Variants in TTC13 observed in about 807,000 individuals in gnomAD.
The protein encoded by TTC13 is tetratricopeptide repeat domain 13, also known as tetratricopeptide repeat protein 13.
In TTC13, 62 loss-of-function variants were observed where a neutral mutation model predicts 120.0. The ratio of observed to expected loss-of-function variants is 0.52; its 90% CI spans 0.42 to 0.64. The LOEUF (loss-of-function observed/expected upper bound fraction) is 0.64, where lower values mean the gene tolerates loss of function less well. Ranked by LOEUF, TTC13 falls within the 30% of genes least tolerant of loss-of-function variation. TTC13 has a pLI of 0.00. For synonymous variants in TTC13, 384 were observed against 393.5 expected, an observed-to-expected ratio of 0.98 and a Z score of 0.28; for missense variants, 824 against 1,050.2, an observed-to-expected ratio of 0.78 and a Z score of 2.98.
rs566611872 is a variant in TTC13, at chr1:230,978,006, A to G, written c.271+554T>C. Among the ~76,000 whole-genome samples, 1 of 152,354 alleles carries G rather than the reference A, an allele frequency of 6.6e-6. No homozygotes were observed. The highest frequency in any genetic ancestry group is 2.1e-4 in the South Asian group (1 of 4,828). On this transcript the variant is annotated intron_variant, in intron 1 of 22. Transcript: ENST00000366661. The surrounding 1 kb of genome is among the most constrained non-coding windows in gnomAD (Gnocchi z 5.6). ...AACTGGAAGCAAGATGTCAACGAGC[A>G]GATAAGATGGGCTTGCTCTTTTTTT...
At chr1:230,916,360 T>C in intron 17 of TTC13, 58 bp from the exon 18 acceptor site, 1 of 1,240,254 alleles carries the variant, frequency 8.1e-7, no homozygotes, top group Non-Finnish European at 1.2e-6. Context: ...AAACCCCAAC[T>C]GCAACTCTGT....
At chr1:230,968,332 T>TG (rs1553299220) in intron 1 of TTC13, among the ~76,000 whole-genome samples, 1 of 145,442 alleles carries the variant, frequency 6.9e-6, no homozygotes, top group African/African-American at 2.5e-5. Flanking sequence ...ATTCTTTTTT[T>TG]AAAAAAACAA....
rs559113081 is a variant in TTC13, at chr1:230,930,455, C to CT, written c.1300+842dup. ...TCACAATAACAAAAAAGAATGTAGG[C>CT]TTTAATTAAAAAAACTGTCTTCAGA... is the stretch of plus-strand genomic sequence containing the variant. On this transcript the variant is annotated intron_variant, in intron 11 of 22. Transcript: ENST00000366661. Among the ~76,000 whole-genome samples, 14 of 152,086 alleles carry CT rather than the reference C, an allele frequency of 9.2e-5. No individual in the cohort carries two copies. In the South Asian group the frequency reaches 2.9e-3, roughly 32 times the overall value.
At chr1:230,933,948 TC>T (rs1170450887) in intron 8 of TTC13, 87 bp from the exon 9 acceptor site, 4 of 750,262 alleles carry the variant, frequency 5.3e-6, no homozygotes, top group Admixed American at 3.1e-5. Context: ...TAAATATATA[TC>T]CTAGTCTCTG....
intron 4 of TTC13, among the ~76,000 whole-genome samples, chr1:230,949,063 C>T (rs1047550782): frequency 5.3e-5 from 8 of 152,074 alleles, no homozygotes; most frequent in African/African-American, 1.7e-4. Flanking sequence ...ATTATTTACT[C>T]AGGGCCTACT....
At chr1:230,922,700 G>T (rs1672689500) in intron 15 of TTC13, among the ~76,000 whole-genome samples, 1 of 152,216 alleles carries the variant, frequency 6.6e-6, no homozygotes, top group East Asian at 1.9e-4. Flanking sequence ...TTTCCAAATA[G>T]CCCTGTAGCA....
chr1:230,936,261 C>A (rs1292911877), intron 8 of TTC13: 5 of 456,048 alleles, frequency 1.1e-5, no homozygotes, highest in African/African-American at 1.0e-4. Flanking sequence ...CTCTCTACCT[C>A]ATTCTGCCAA....
chr1:230,948,400 C>CAAAAAAAAA (rs57051929), intron 4 of TTC13, among the ~76,000 whole-genome samples: 3 of 96,616 alleles, frequency 3.1e-5, no homozygotes, highest in Non-Finnish European at 6.1e-5. Flanking sequence ...ACTCACAATA[C>CAAAAAAAAA]AAAAAAAAAA....
intron 1 of TTC13, among the ~76,000 whole-genome samples, 168 bp from the exon 2 acceptor site, chr1:230,961,471 C>A (rs1158850903): frequency 6.6e-6 from 1 of 152,208 alleles, no homozygotes; most frequent in Non-Finnish European, 1.5e-5. Flanking sequence ...GTAATCCCAG[C>A]AACTCAGGAG....
At chr1:230,938,886 T>G (rs1674311474) in intron 8 of TTC13, among the ~76,000 whole-genome samples, 1 of 152,126 alleles carries the variant, frequency 6.6e-6, no homozygotes, top group African/African-American at 2.4e-5. Flanking sequence ...CAGCTTCATC[T>G]CCCTTAAACC....
At chr1:230,918,562 C>T (rs1672264343) in intron 17 of TTC13, among the ~76,000 whole-genome samples, 1 of 152,090 alleles carries the variant, frequency 6.6e-6, no homozygotes, top group South Asian at 2.1e-4. Context: ...ATAAAGGAGT[C>T]AGTAAAGGGG....
intron 4 of TTC13, among the ~76,000 whole-genome samples, chr1:230,946,885 A>G (rs1445457623): frequency 3.3e-5 from 5 of 152,188 alleles, no homozygotes. Context: ...GGGGAACAGT[A>G]CATGTTATAG....
At chr1:230,968,062 C>T (rs756210282) in intron 1 of TTC13, among the ~76,000 whole-genome samples, 18 of 152,178 alleles carry the variant, frequency 1.2e-4, no homozygotes, top group Non-Finnish European at 1.9e-4. Flanking sequence ...TGGAGCTCTG[C>T]GCATGCCTCT....
At chr1:230,926,838 G>T (rs1288317371) in intron 12 of TTC13, among the ~76,000 whole-genome samples, 1 of 152,204 alleles carries the variant, frequency 6.6e-6, no homozygotes, top group Admixed American at 6.5e-5. Flanking sequence ...TCATGCAGTT[G>T]TATCTACTTG....
At chr1:230,921,561 C>A in intron 15 of TTC13, 57 bp from the exon 16 acceptor site, 3 of 874,774 alleles carry the variant, frequency 3.4e-6, no homozygotes, top group Admixed American at 2.8e-5. Context: ...ATGCTCAAGC[C>A]AACATCTAAT....
At chr1:230,924,038 C>T (rs3748774) in intron 14 of TTC13, 105 bp from the exon 15 acceptor site, 503,162 of 740,912 alleles carry the variant, frequency 0.68, 172,415 homozygotes, top group Admixed American at 0.74. Flanking sequence ...GCTAGTCCAT[C>T]ATATCTAAAA....
intron 4 of TTC13, among the ~76,000 whole-genome samples, chr1:230,948,995 T>A (rs9431916): frequency 0.13 from 20,428 of 152,096 alleles, 1,394 homozygotes; most frequent in Non-Finnish European, 0.15. Flanking sequence ...AAAATAAATA[T>A]GCTCCTTCTC....
At chr1:230,916,158 C>G (rs1672006538) in intron 18 of TTC13, 35 bp downstream of exon 18, 1 of 1,496,156 alleles carries the variant, frequency 6.7e-7, no homozygotes. Context: ...CCTGCCTCGT[C>G]TCTAGTTTAC....
intron 1 of TTC13, among the ~76,000 whole-genome samples, chr1:230,974,393 A>T (rs1171629799): frequency 1.3e-5 from 2 of 152,216 alleles, no homozygotes; most frequent in South Asian, 2.1e-4. Context: ...TGGACCACGT[A>T]TGTGTGAGAA....
Sources: allele counts gnomAD v4.1 joint callset (sites outside exome capture counted in the v4.1 genomes callset), GRCh38; gene constraint gnomAD v4.1.1; non-coding constraint Gnocchi (gnomAD v3.1); transcripts MANE v1.5; gene names NCBI Gene and HGNC (gene_info 2026-07-23, HGNC 2026-07-21).